CDC14A: variants seen among roughly 807,000 people sequenced by gnomAD.
CDC14A encodes cell division cycle 14A, also known as dual specificity protein phosphatase CDC14A.
Under a neutral mutation model 74.4 loss-of-function variants are expected in CDC14A, and 53 were observed. The ratio of observed to expected loss-of-function variants is 0.71; its 90% CI spans 0.57 to 0.89. CDC14A has a LOEUF of 0.89. Ranked by LOEUF, CDC14A falls within the 40% of genes least tolerant of loss-of-function variation. CDC14A has a pLI of 0.00. For synonymous variants in CDC14A, 247 were observed against 258.4 expected (o/e 0.96, Z 0.43); for missense variants, 646 against 713.7 (o/e 0.91, Z 1.08).
At chr1:100,397,580 G>C (rs547404476) in intron 4 of CDC14A, among the ~76,000 whole-genome samples, 1 of 152,156 alleles carries the variant, frequency 6.6e-6, no homozygotes, top group African/African-American at 2.4e-5. Flanking sequence ...GGAGAATTTG[G>C]ATCAGGTCAC....
chr1:100,349,167 G>A (rs1282178074), upstream of CDC14A, among the ~76,000 whole-genome samples: 2 of 151,912 alleles, frequency 1.3e-5, no homozygotes, highest in Admixed American at 6.6e-5. Context: ...CTGCACTCCA[G>A]CCTGGGCTAC....
At chr1:100,425,080 A>T (rs566310425) in intron 5 of CDC14A, among the ~76,000 whole-genome samples, 1 of 152,242 alleles carries the variant, frequency 6.6e-6, no homozygotes, top group East Asian at 1.9e-4. Flanking sequence ...AAGTGGGAGG[A>T]TCGCTTGAGC....
At chr1:100,357,090 A>G (rs2100882795) in intron 2 of CDC14A, among the ~76,000 whole-genome samples, 1 of 152,128 alleles carries the variant, frequency 6.6e-6, no homozygotes, top group East Asian at 1.9e-4. Context: ...GGGTGGAATA[A>G]TTGGCTTTGG....
chr1:100,496,258 T>A (rs1647790850), intron 13 of CDC14A, among the ~76,000 whole-genome samples: 1 of 152,026 alleles, frequency 6.6e-6, no homozygotes, highest in Non-Finnish European at 1.5e-5. Flanking sequence ...CCCACAGGAC[T>A]GTGTGGTGGT....
chr1:100,376,258 A>G (rs986718679), intron 2 of CDC14A, among the ~76,000 whole-genome samples: 17 of 152,190 alleles, frequency 1.1e-4, no homozygotes, highest in Admixed American at 1.3e-4. Context: ...ATATGTAACA[A>G]ATGTGCACGT....
At chr1:100,509,179 T>C (rs558939538) in intron 15 of CDC14A, among the ~76,000 whole-genome samples, 11 of 152,290 alleles carry the variant, frequency 7.2e-5, no homozygotes, top group Non-Finnish European at 1.6e-4. Flanking sequence ...CCTCCCTCCC[T>C]TTGCTTCTCA....
chr1:100,437,931 T>C (rs953711128), intron 5 of CDC14A, among the ~76,000 whole-genome samples: 1 of 152,054 alleles, frequency 6.6e-6, no homozygotes, highest in African/African-American at 2.4e-5. Context: ...CGTAAAGCAG[T>C]AGTTTTTAAT....
Position 100,424,270 on chromosome 1 carries a change from T to C in CDC14A, c.358T>C (p.Ser120Pro). ...TPEEAYRALL[S>P]GSNPPYLPFR... ...AGAAGAAGCCTACAGAGCACTCCTG[T>C]CTGGCTCAAACCCCCCCTATCTTCC... The change falls in exon 5 of 16, where the codon TCT becomes CCT. Residue 120 changes from serine (S) to proline (P), a missense_variant. Ser to Pro is a moderately conservative substitution (Grantham distance 74, BLOSUM62 -1). Coordinates refer to ENST00000336454, the MANE Select transcript of CDC14A (RefSeq NM_003672.4). The C allele has an allele frequency of 6.2e-7, 1 of 1,613,592 alleles. No individual in the cohort carries two copies. Among genetic ancestry groups the C allele is most frequent in the Non-Finnish European group, 8.5e-7 (1 of 1,179,540 alleles).
At chr1:100,378,305 C>G (rs1655591435) in intron 3 of CDC14A, among the ~76,000 whole-genome samples, 1 of 151,730 alleles carries the variant, frequency 6.6e-6, no homozygotes, top group Non-Finnish European at 1.5e-5. Flanking sequence ...CTTATTTTAT[C>G]ACACAGAAAG....
intron 10 of CDC14A, among the ~76,000 whole-genome samples, chr1:100,468,782 A>G (rs946967680): frequency 2.0e-4 from 30 of 152,182 alleles, no homozygotes; most frequent in African/African-American, 7.2e-4. Flanking sequence ...ATCTCAATGT[A>G]CTCATTAATA....
At chr1:100,495,590 A>C (rs1647660273) in intron 12 of CDC14A, among the ~76,000 whole-genome samples, 1 of 152,230 alleles carries the variant, frequency 6.6e-6, no homozygotes, top group Non-Finnish European at 1.5e-5. Context: ...CCCAGTCCAC[A>C]AATTAATATA....
chr1:100,468,829 T>C (rs1348251318), intron 10 of CDC14A, among the ~76,000 whole-genome samples: 1 of 152,236 alleles, frequency 6.6e-6, no homozygotes, highest in Non-Finnish European at 1.5e-5. Context: ...TTGATCTAAG[T>C]CCAGCTCTAA....
At chr1:100,496,802 G>T (rs1162053768) in intron 13 of CDC14A, among the ~76,000 whole-genome samples, 1 of 152,210 alleles carries the variant, frequency 6.6e-6, no homozygotes, top group African/African-American at 2.4e-5. Flanking sequence ...GGTGGATAAT[G>T]AAGGAAAGAG....
intron 4 of CDC14A, among the ~76,000 whole-genome samples, chr1:100,395,278 C>G (rs1342072776): frequency 1.3e-5 from 2 of 152,108 alleles, no homozygotes; most frequent in African/African-American, 2.4e-5. Flanking sequence ...TTTGATAGCT[C>G]CATATTATAC....
intron 4 of CDC14A, 70 bp from the exon 5 acceptor site, chr1:100,424,152 G>A (rs536864862): frequency 2.4e-5 from 28 of 1,152,316 alleles, no homozygotes; most frequent in Non-Finnish European, 3.3e-5. Flanking sequence ...GAAGTGAAAT[G>A]CAAATTTGGT....
At chr1:100,420,120 GTTTTTTTTTTTTTT>G (rs61463263) in intron 4 of CDC14A, among the ~76,000 whole-genome samples, 5 of 48,202 alleles carry the variant, frequency 1.0e-4, no homozygotes, top group African/African-American at 4.2e-4. Flanking sequence ...TGCTGAAAAG[GTTTTTTTTTTTTTT>G]TTTTTTTTTT....
chr1:100,462,524 C>G, intron 8 of CDC14A, 127 bp from the exon 9 acceptor site: 1 of 718,958 alleles, frequency 1.4e-6, no homozygotes, highest in Non-Finnish European at 2.3e-6. Context: ...GACCTCTTCT[C>G]TCACACAACA....
At chr1:100,376,165 T>C (rs7538048) in intron 2 of CDC14A, among the ~76,000 whole-genome samples, 1 of 150,584 alleles carries the variant, frequency 6.6e-6, no homozygotes, top group Non-Finnish European at 1.5e-5. Flanking sequence ...GGTGGGGGGA[T>C]GGGGGAGGGA....
intron 10 of CDC14A, among the ~76,000 whole-genome samples, chr1:100,472,732 G>T (rs1176781455): frequency 6.6e-6 from 1 of 151,050 alleles, no homozygotes; most frequent in African/African-American, 2.4e-5. Context: ...TGAGGTTTTT[G>T]TTTATTTCAT....
Sources: allele counts gnomAD v4.1 joint callset (sites outside exome capture counted in the v4.1 genomes callset), GRCh38; gene constraint gnomAD v4.1.1; transcripts MANE v1.5; gene names NCBI Gene and HGNC (gene_info 2026-07-23, HGNC 2026-07-21).